Variants in DDX19B observed in about 807,000 individuals in gnomAD.
DDX19B encodes the protein DEAD-box helicase 19B, also known as ATP-dependent RNA helicase DDX19B.
Under a neutral mutation model 58.1 loss-of-function variants are expected in DDX19B, and 27 were observed. That is an observed-to-expected ratio of 0.46 (90% CI 0.34 to 0.64). The LOEUF (loss-of-function observed/expected upper bound fraction) is 0.64, where lower values mean the gene tolerates loss of function less well. DDX19B is among the 30% of genes least tolerant of loss of function. The pLI is 0.01. For missense variants in DDX19B, 399 were observed against 596.5 expected (o/e 0.67, Z 3.45); for synonymous variants, 187 against 214.4 (o/e 0.87, Z 1.12).
chr16:70,322,501 T>C (rs1962892547), intron 5 of DDX19B, among the ~76,000 whole-genome samples: 2 of 151,066 alleles, frequency 1.3e-5, no homozygotes, highest in African/African-American at 4.9e-5. Context: ...GGCTCCGGAA[T>C]TGCTTGGAAT....
At chr16:70,304,936 T>A (rs889985734) in intron 1 of DDX19B, among the ~76,000 whole-genome samples, 3 of 152,146 alleles carry the variant, frequency 2.0e-5, no homozygotes, top group Non-Finnish European at 4.4e-5. Flanking sequence ...ATCCTCATCA[T>A]TTGGAGGATA....
Position 70,317,591 on chromosome 16 carries a change from A to C in DDX19B, c.389+3A>C. The stretch of plus-strand genomic sequence containing the variant: ...TTGCCACTGATGCTTGCTGAGCCGT[A>C]TGTGTCCTATTACAACTCCATTTCA... On this transcript the variant is annotated splice_donor_region_variant and intron_variant, in intron 5 of 11. Transcript: ENST00000288071. 2 of 1,607,254 alleles carry C rather than the reference A, an allele frequency of 1.2e-6. No individual in the cohort carries two copies. The highest frequency in any genetic ancestry group is 1.1e-5 in the South Asian group (1 of 90,454).
intron 9 of DDX19B, 97 bp from the exon 10 acceptor site, chr16:70,331,625 C>G: frequency 1.4e-6 from 2 of 1,464,620 alleles, no homozygotes; most frequent in South Asian, 2.8e-5. Context: ...TTAGCAGGGC[C>G]TTCATGTATT....
chr16:70,311,225 A>C (rs547045122), intron 1 of DDX19B, among the ~76,000 whole-genome samples: 5 of 150,540 alleles, frequency 3.3e-5, no homozygotes, highest in Admixed American at 6.7e-5. Flanking sequence ...AAGAAAATAC[A>C]AAAAATTAGC....
chr16:70,304,666 C>A (rs1961666557), intron 1 of DDX19B, among the ~76,000 whole-genome samples: 1 of 152,202 alleles, frequency 6.6e-6, no homozygotes, highest in South Asian at 2.1e-4. Flanking sequence ...AACCACCACT[C>A]CTGGCCAGAG....
At chr16:70,311,347 T>A (rs1311983555) in intron 1 of DDX19B, among the ~76,000 whole-genome samples, 1 of 152,052 alleles carries the variant, frequency 6.6e-6, no homozygotes, top group East Asian at 1.9e-4. Context: ...GCCCCTACAC[T>A]CCAGTCCAGG....
rs764453955 is a variant in DDX19B, at chr16:70,312,588, TCCCC to T, written c.58-19_58-16del. 1 of 1,610,364 alleles carries T rather than the reference TCCCC, an allele frequency of 6.2e-7. No homozygotes were observed. Among genetic ancestry groups the T allele is most frequent in the Admixed American group, 1.7e-5 (1 of 59,740 alleles). Reference sequence around the variant, plus strand: ...AGTGCTTTTCCTGACACTTTCCCCCTCCCCCATATTCTCCATTTAGTTGAGCAAC... The same window carrying T: ...AGTGCTTTTCCTGACACTTTCCCCCTCATATTCTCCATTTAGTTGAGCAAC... On this transcript the variant is annotated splice_polypyrimidine_tract_variant and intron_variant, in intron 1 of 11. Transcript: ENST00000288071.
At chr16:70,324,976 G>A (rs1003156179) in intron 6 of DDX19B, among the ~76,000 whole-genome samples, 4 of 152,144 alleles carry the variant, frequency 2.6e-5, no homozygotes, top group African/African-American at 4.8e-5. Flanking sequence ...ATTTGAACCC[G>A]GGAGGCGGAG....
chr16:70,324,764 G>C, intron 6 of DDX19B, 77 bp downstream of exon 6: 2 of 1,424,588 alleles, frequency 1.4e-6, no homozygotes, highest in Non-Finnish European at 1.9e-6. Context: ...TAAAAGACAA[G>C]CTATGGGCTG....
intron 3 of DDX19B, chr16:70,315,560 C>T (rs1478152513): frequency 6.3e-6 from 1 of 157,776 alleles, no homozygotes; most frequent in Non-Finnish European, 1.4e-5. Flanking sequence ...GTTATTTTGA[C>T]ACATTTGACA....
chr16:70,303,595 C>T (rs1049135208), intron 1 of DDX19B, among the ~76,000 whole-genome samples: 5 of 152,166 alleles, frequency 3.3e-5, no homozygotes, highest in African/African-American at 4.8e-5. Context: ...CTTGCTCTGT[C>T]GCCTGGGCTG....
At chr16:70,301,720 T>C (rs1486201492) in intron 1 of DDX19B, among the ~76,000 whole-genome samples, 1 of 149,634 alleles carries the variant, frequency 6.7e-6, no homozygotes, top group Non-Finnish European at 1.5e-5. Context: ...TTTAAGACAG[T>C]GTCTGTCTAT....
chr16:70,313,562 T>C (rs2152196207), intron 2 of DDX19B, among the ~76,000 whole-genome samples: 2 of 152,252 alleles, frequency 1.3e-5, no homozygotes, highest in East Asian at 3.9e-4. Flanking sequence ...CGGACTACAT[T>C]GACAAAGACT....
intron 1 of DDX19B, among the ~76,000 whole-genome samples, chr16:70,311,932 C>T (rs1468598249): frequency 6.6e-6 from 1 of 151,990 alleles, no homozygotes; most frequent in African/African-American, 2.4e-5. Context: ...ACCTCCGCCT[C>T]CTGGGTTCAA....
chr16:70,323,068 T>C (rs188951439), intron 5 of DDX19B, among the ~76,000 whole-genome samples: 4 of 152,090 alleles, frequency 2.6e-5, no homozygotes, highest in Admixed American at 6.6e-5. Context: ...GTCCATATCT[T>C]TGGCCTGCTG....
At chr16:70,308,104 C>G (rs1015920172) in intron 1 of DDX19B, among the ~76,000 whole-genome samples, 2 of 151,074 alleles carry the variant, frequency 1.3e-5, no homozygotes, top group South Asian at 4.2e-4. Context: ...AGGCACCCAC[C>G]ACCATGCCCA....
At chr16:70,316,945 G>A (rs549445746) in intron 4 of DDX19B, among the ~76,000 whole-genome samples, 3 of 152,110 alleles carry the variant, frequency 2.0e-5, no homozygotes, top group Non-Finnish European at 4.4e-5. Context: ...GGTGGCTCAC[G>A]CCTGTAATCC....
chr16:70,322,252 T>C (rs1962872399), intron 5 of DDX19B, among the ~76,000 whole-genome samples: 1 of 151,914 alleles, frequency 6.6e-6, no homozygotes, highest in Non-Finnish European at 1.5e-5. Context: ...CAACAGATGT[T>C]TTGACAGGGA....
Position 70,306,465 on chromosome 16 carries a change from A to G in DDX19B, c.58-6144A>G, listed in dbSNP as rs368809962. 4.6e-5 allele frequency among the ~76,000 whole-genome samples: 7 copies of G among 152,310 alleles called. No homozygotes were observed. The East Asian group carries it at 1.3e-3, about 29-fold the overall frequency. ...TGCACCCGGCCATTCAGGTCAGGTTAAATTGTCATTGTTTTAACCTATTAA... is the reference window on the plus strand; with the variant it reads ...TGCACCCGGCCATTCAGGTCAGGTTGAATTGTCATTGTTTTAACCTATTAA... On this transcript the variant is annotated intron_variant, in intron 1 of 11. Transcript: ENST00000288071.
Sources: gnomAD v4.1 joint callset for allele counts (sites outside exome capture counted in the v4.1 genomes callset) on GRCh38, gnomAD v4.1.1 for gene constraint, MANE v1.5 for transcripts, NCBI Gene and HGNC (gene_info 2026-07-23, HGNC 2026-07-21) for gene names.